The following UBE2G1 variants were observed in gnomAD, a reference collection of about 807,000 sequenced individuals.
The protein encoded by UBE2G1 is ubiquitin conjugating enzyme E2 G1, also known as ubiquitin-conjugating enzyme E2 G1.
UBE2G1 carries 5 observed loss-of-function variants against 22.7 expected under a neutral mutation model. The observed-to-expected ratio is 0.22, with a 90% CI of 0.12 to 0.46. The LOEUF (loss-of-function observed/expected upper bound fraction) is 0.46. Ranked by LOEUF, UBE2G1 falls within the 20% of genes least tolerant of loss-of-function variation. The pLI is 0.99. For missense variants in UBE2G1, 88 were observed against 203.9 expected (o/e 0.43, Z 3.46); for synonymous variants, 74 against 67.5 (o/e 1.10, Z -0.47).
intron 1 of UBE2G1, among the ~76,000 whole-genome samples, chr17:4,312,802 G>A (rs1969327017): frequency 6.6e-6 from 1 of 151,652 alleles, no homozygotes; most frequent in African/African-American, 2.4e-5. Context: ...ATACAGCTCA[G>A]GGAAGAAGGG....
chr17:4,277,396 TC>T (rs1382109788), intron 5 of UBE2G1, among the ~76,000 whole-genome samples: 1 of 152,232 alleles, frequency 6.6e-6, no homozygotes, highest in Non-Finnish European at 1.5e-5. Flanking sequence ...ATACAGTCCC[TC>T]TAGCCTTGGT....
intron 1 of UBE2G1, among the ~76,000 whole-genome samples, chr17:4,310,463 C>CT (rs1170622734): frequency 2.0e-5 from 3 of 152,176 alleles, no homozygotes; most frequent in African/African-American, 7.2e-5. Context: ...GGTTTAGAAT[C>CT]TGAACCCTAC....
intron 1 of UBE2G1, among the ~76,000 whole-genome samples, chr17:4,321,516 A>T (rs977229553): frequency 4.6e-5 from 7 of 152,018 alleles, no homozygotes; most frequent in African/African-American, 1.7e-4. Context: ...TTTTGGAGAC[A>T]GAGTTTCACT....
At chr17:4,325,919 A>G (rs763985084) in intron 1 of UBE2G1, among the ~76,000 whole-genome samples, 1 of 152,208 alleles carries the variant, frequency 6.6e-6, no homozygotes, top group Non-Finnish European at 1.5e-5. Context: ...TCCATAAGCA[A>G]AAGAATGAAG....
At chr17:4,338,585 A>G (rs546822638) in intron 1 of UBE2G1, among the ~76,000 whole-genome samples, 1 of 152,336 alleles carries the variant, frequency 6.6e-6, no homozygotes, top group South Asian at 2.1e-4. Context: ...TTCCCAATTC[A>G]TTTCCTAAGC....
At chr17:4,357,930 T>C (rs931246464) in intron 1 of UBE2G1, among the ~76,000 whole-genome samples, 2 of 151,858 alleles carry the variant, frequency 1.3e-5, no homozygotes, top group Admixed American at 1.3e-4. Flanking sequence ...CAAGACCCCA[T>C]CTCTATTTTT....
At chr17:4,355,437 T>TTAA (rs759189546) in intron 1 of UBE2G1, among the ~76,000 whole-genome samples, 6 of 149,266 alleles carry the variant, frequency 4.0e-5, no homozygotes, top group African/African-American at 2.4e-5. Flanking sequence ...GGTCAGGAGT[T>TTAA]TAAGACTAGC....
At chr17:4,338,704 T>C (rs1419355263) in intron 1 of UBE2G1, among the ~76,000 whole-genome samples, 4 of 152,216 alleles carry the variant, frequency 2.6e-5, no homozygotes, top group Non-Finnish European at 5.9e-5. Flanking sequence ...GTATGCATGC[T>C]TCAACTCATT....
intron 3 of UBE2G1, among the ~76,000 whole-genome samples, chr17:4,291,535 C>T (rs1052476557): frequency 1.3e-5 from 2 of 151,934 alleles, no homozygotes; most frequent in African/African-American, 4.8e-5. Flanking sequence ...CAGAATTCTA[C>T]CACCACTATA....
intron 1 of UBE2G1, among the ~76,000 whole-genome samples, chr17:4,357,445 C>T (rs899793037): frequency 5.4e-5 from 7 of 130,540 alleles, no homozygotes; most frequent in Admixed American, 4.0e-4. Flanking sequence ...AGTATTTATC[C>T]CATGCAGATA....
intron 5 of UBE2G1, among the ~76,000 whole-genome samples, chr17:4,282,028 C>T (rs1186698967): frequency 1.3e-5 from 2 of 152,130 alleles, no homozygotes; most frequent in Non-Finnish European, 2.9e-5. Context: ...AAGTTTTTAA[C>T]TACTGGCCCT....
At chr17:4,298,512 C>G (rs1969136857) in intron 2 of UBE2G1, among the ~76,000 whole-genome samples, 1 of 151,980 alleles carries the variant, frequency 6.6e-6, no homozygotes. Context: ...ATTGCTTTTT[C>G]TGATCATAAG....
intron 1 of UBE2G1, among the ~76,000 whole-genome samples, chr17:4,359,604 C>T (rs1261043241): frequency 6.6e-6 from 1 of 152,238 alleles, no homozygotes; most frequent in East Asian, 1.9e-4. Flanking sequence ...GGCGCGATGG[C>T]TCACGCCTGT....
chr17:4,280,460 T>G (rs1968875163), intron 5 of UBE2G1, among the ~76,000 whole-genome samples: 1 of 138,146 alleles, frequency 7.2e-6, no homozygotes, highest in South Asian at 2.5e-4. Context: ...GATTCTCCCA[T>G]CTCAGCCTCC....
chr17:4,287,697 A>G (rs1281842292), intron 4 of UBE2G1, among the ~76,000 whole-genome samples: 1 of 152,170 alleles, frequency 6.6e-6, no homozygotes, highest in African/African-American at 2.4e-5. Context: ...AAAAAAGGTA[A>G]ATTTTATGCC....
chr17:4,272,910 G>A (rs903623787), intron 5 of UBE2G1, among the ~76,000 whole-genome samples: 9 of 152,104 alleles, frequency 5.9e-5, no homozygotes, highest in African/African-American at 2.2e-4. Context: ...GAATCCATAA[G>A]AGAAGATTTA....
chr17:4,297,085 G>A (rs187363274), intron 2 of UBE2G1, among the ~76,000 whole-genome samples: 3 of 152,282 alleles, frequency 2.0e-5, no homozygotes, highest in Admixed American at 1.3e-4. Context: ...TCATATTACT[G>A]CTATGCTACA....
chr17:4,334,052 T>G (rs1323171487), intron 1 of UBE2G1, among the ~76,000 whole-genome samples: 1 of 151,682 alleles, frequency 6.6e-6, no homozygotes, highest in Non-Finnish European at 1.5e-5. Flanking sequence ...GCAGAACATG[T>G]CAGTTATAAT....
chr17:4,301,589 C>T (rs1458300236), intron 2 of UBE2G1: 1 of 1,307,280 alleles, frequency 7.6e-7, no homozygotes, highest in East Asian at 2.3e-5. Flanking sequence ...TCTTTGGTGG[C>T]TTTTTAAAAG....
Sources: allele counts gnomAD v4.1 joint callset (sites outside exome capture counted in the v4.1 genomes callset), GRCh38; gene constraint gnomAD v4.1.1; transcripts MANE v1.5; gene names NCBI Gene and HGNC (gene_info 2026-07-23, HGNC 2026-07-21).